TENM3: variants seen among roughly 807,000 people sequenced by gnomAD.
TENM3 encodes the protein teneurin transmembrane protein 3, also known as teneurin-3.
Under a neutral mutation model 255.1 loss-of-function variants are expected in TENM3, and 63 were observed. That is an observed-to-expected ratio of 0.25 (90% CI 0.20 to 0.30). The LOEUF (loss-of-function observed/expected upper bound fraction) is 0.30. Ranked by LOEUF, TENM3 falls within the 10% of genes least tolerant of loss-of-function variation. TENM3 has a pLI of 1.00. For synonymous variants in TENM3, 1,306 were observed against 1,322.3 expected (o/e 0.99, Z 0.27); for missense variants, 2,929 against 3,461.1 (o/e 0.85, Z 3.86).
intron 3 of TENM3, among the ~76,000 whole-genome samples, chr4:182,455,534 G>C (rs1314240487): frequency 6.8e-6 from 1 of 147,138 alleles, no homozygotes; most frequent in Non-Finnish European, 1.5e-5. Context: ...GTTTCCAAGA[G>C]CTGACTTGCA....
At chr4:182,640,302 C>G (rs1053958012) in intron 5 of TENM3, among the ~76,000 whole-genome samples, 1 of 152,146 alleles carries the variant, frequency 6.6e-6, no homozygotes, top group African/African-American at 2.4e-5. Flanking sequence ...CACATTTTTA[C>G]CAATACAGGA....
At chr4:182,794,521 A>C (rs1207301537) in intron 26 of TENM3, among the ~76,000 whole-genome samples, 1 of 152,206 alleles carries the variant, frequency 6.6e-6, no homozygotes, top group Non-Finnish European at 1.5e-5. Flanking sequence ...TTCTCCCATC[A>C]GTTGCTTAGA....
At chr4:182,651,563 G>A (rs1024190478) in intron 5 of TENM3, among the ~76,000 whole-genome samples, 8 of 152,238 alleles carry the variant, frequency 5.3e-5, no homozygotes, top group South Asian at 4.2e-4. Context: ...TGGGCGTGGC[G>A]GCGTGCGCCT....
the TENM3 span, among the ~76,000 whole-genome samples, chr4:182,037,810 G>A: frequency 4.6e-5 from 7 of 152,046 alleles, no homozygotes; most frequent in African/African-American, 7.2e-5. Flanking sequence ...CCTACGTAAC[G>A]ACACTGAGGA....
chr4:181,741,979 CTTA>C, the TENM3 span, among the ~76,000 whole-genome samples: 1 of 152,252 alleles, frequency 6.6e-6, no homozygotes, highest in Middle Eastern at 3.4e-3. Context: ...AATCAGAACA[CTTA>C]TTACTTATCG....
chr4:181,485,963 T>C, the TENM3 span, among the ~76,000 whole-genome samples: 1 of 151,980 alleles, frequency 6.6e-6, no homozygotes, highest in Non-Finnish European at 1.5e-5. Context: ...AATTTTAAGA[T>C]GTGAAATTCC....
At chr4:181,652,279 C>T in the TENM3 span, among the ~76,000 whole-genome samples, 1 of 152,026 alleles carries the variant, frequency 6.6e-6, no homozygotes, top group Non-Finnish European at 1.5e-5. Flanking sequence ...GGACCAATCG[C>T]AATGTTGCAC....
At chr4:182,159,744 T>A (rs1750982564) in intron 1 of TENM3, among the ~76,000 whole-genome samples, 1 of 152,114 alleles carries the variant, frequency 6.6e-6, no homozygotes, top group East Asian at 1.9e-4. Flanking sequence ...GCCGGAGAAG[T>A]GACAGTGTGT....
the TENM3 span, among the ~76,000 whole-genome samples, chr4:181,964,512 T>G: frequency 6.6e-6 from 1 of 151,848 alleles, no homozygotes; most frequent in East Asian, 1.9e-4. Flanking sequence ...CATTGCTTTC[T>G]CCCAACCCTG....
chr4:182,738,372 A>G (rs752387012), intron 17 of TENM3, 29 bp from the exon 18 acceptor site: 67 of 1,537,590 alleles, frequency 4.4e-5, no homozygotes, highest in Non-Finnish European at 5.4e-5. Flanking sequence ...GTCGTTGGAA[A>G]GATGAGCTGT....
At chr4:182,332,014 A>G (rs551638725) in intron 2 of TENM3, among the ~76,000 whole-genome samples, 1 of 152,326 alleles carries the variant, frequency 6.6e-6, no homozygotes, top group East Asian at 1.9e-4. Context: ...TATATACAGA[A>G]ATTTATAACT....
At chr4:182,228,488 A>G (rs768180993) in intron 1 of TENM3, among the ~76,000 whole-genome samples, 2 of 151,082 alleles carry the variant, frequency 1.3e-5, no homozygotes, top group Non-Finnish European at 2.9e-5. Context: ...TTTTCCCTTC[A>G]CATCCCACCC....
the TENM3 span, among the ~76,000 whole-genome samples, chr4:181,927,100 C>T: frequency 2.0e-5 from 3 of 152,180 alleles, no homozygotes; most frequent in Non-Finnish European, 4.4e-5. Context: ...TGGGCAGACA[C>T]CAAGCTAGCT....
the TENM3 span, among the ~76,000 whole-genome samples, chr4:182,082,484 C>T: frequency 6.6e-6 from 1 of 152,184 alleles, no homozygotes; most frequent in Non-Finnish European, 1.5e-5. Flanking sequence ...ATTATCAACA[C>T]ACATACAATA....
intron 6 of TENM3, among the ~76,000 whole-genome samples, chr4:182,668,227 CT>C (rs1052623385): frequency 2.0e-5 from 3 of 151,872 alleles, no homozygotes; most frequent in Non-Finnish European, 4.4e-5. Flanking sequence ...TTAATTTTGC[CT>C]TTTTTTGGCA....
chr4:182,195,393 C>T (rs1311556855), intron 1 of TENM3, among the ~76,000 whole-genome samples: 2 of 152,116 alleles, frequency 1.3e-5, no homozygotes, highest in Non-Finnish European at 2.9e-5. Context: ...AATCCGAGCA[C>T]TTTGGGAGGC....
intron 6 of TENM3, among the ~76,000 whole-genome samples, chr4:182,668,795 G>A (rs564200447): frequency 3.2e-4 from 48 of 152,196 alleles, no homozygotes; most frequent in African/African-American, 9.6e-4. Context: ...TAGTGAAACC[G>A]GAAACCCTAG....
the TENM3 span, among the ~76,000 whole-genome samples, chr4:181,888,532 A>ATATATATATATATATGTGTG: frequency 1.3e-5 from 1 of 78,750 alleles, no homozygotes; most frequent in African/African-American, 4.6e-5. Flanking sequence ...ATATACATAT[A>ATATATATATATATATGTGTG]TGTGTATATA....
At chr4:182,716,627 G>A (rs1759198198) in intron 13 of TENM3, among the ~76,000 whole-genome samples, 1 of 152,150 alleles carries the variant, frequency 6.6e-6, no homozygotes, top group Admixed American at 6.5e-5. Flanking sequence ...TTGAACTTAA[G>A]CATAAGCTAC....
Sources: allele counts gnomAD v4.1 joint callset (sites outside exome capture counted in the v4.1 genomes callset), GRCh38; gene constraint gnomAD v4.1.1; transcripts MANE v1.5; gene names NCBI Gene and HGNC (gene_info 2026-07-23, HGNC 2026-07-21).